ERCC5: variants seen among roughly 807,000 people sequenced by gnomAD.
ERCC5 encodes DNA excision repair protein ERCC-5.
In ERCC5, 68 loss-of-function variants were observed where a neutral mutation model predicts 105.6. The ratio of observed to expected loss-of-function variants is 0.64; its 90% confidence interval spans 0.53 to 0.79. The LOEUF is 0.79. Ranked by LOEUF, ERCC5 falls within the 30% of genes least tolerant of loss-of-function variation. The pLI, the probability that ERCC5 is intolerant of heterozygous loss-of-function variation, is 0.00. For missense variants in ERCC5, 1,373 were observed against 1,426.7 expected (o/e 0.96, Z 0.61); for synonymous variants, 546 against 526.2 (o/e 1.04, Z -0.51).
Position 102,859,853 on chromosome 13 carries a change from C to T in ERCC5, c.672+1435C>T, listed in dbSNP as rs185135855. Among the ~76,000 whole-genome samples, 341 of 152,296 alleles carry T rather than the reference C, an allele frequency of 2.2e-3. 1 individual carries two copies. Among genetic ancestry groups the T allele is most frequent in the Non-Finnish European group, 3.9e-3 (262 of 68,024 alleles). On this transcript the variant is annotated intron_variant, in intron 6 of 14. Coordinates refer to ENST00000652225, the MANE Select transcript of ERCC5 (RefSeq NM_000123.4). ...TAATACCATAGTTCCACTTTACTCA[C>T]GGTTTGCAGTTTTCAGTGACCTGTG...
At chr13:102,856,164 G>C in intron 5 of ERCC5, 52 bp downstream of exon 5, 1 of 1,554,400 alleles carries the variant, frequency 6.4e-7, no homozygotes, top group Non-Finnish European at 8.9e-7. Context: ...TGAAATGAAT[G>C]ACATGAAAAT....
chr13:102,875,631 T>C lies in ERCC5; in HGVS notation c.3289T>C (p.Ser1097Pro), dbSNP rs374747511. 27 of 1,614,074 alleles carry C rather than the reference T, an allele frequency of 1.7e-5. No individual in the cohort carries two copies. The highest frequency in any genetic ancestry group is 2.1e-5 in the Non-Finnish European group (25 of 1,179,962). Residue 1097 changes from serine to proline, a missense_variant, in exon 15 of 15, where the codon TCT becomes CCT. Coordinates refer to ENST00000652225, the MANE Select transcript of ERCC5 (RefSeq NM_000123.4). ...FLGETCLSES[S>P]DGSSSEDAES... ...GGGGGAGACCTGCCTCTCAGAATCATCTGATGGATCTTCAAGTGAAGATGC... is the reference window on the plus strand; with the variant it reads ...GGGGGAGACCTGCCTCTCAGAATCACCTGATGGATCTTCAAGTGAAGATGC...
At position 102,875,818 on chromosome 13, in the gene ERCC5, A is replaced by G; in HGVS notation, c.3476A>G (p.Lys1159Arg). The G allele has an allele frequency of 8.1e-6, 13 of 1,613,850 alleles. No individual in the cohort carries two copies. Among genetic ancestry groups the G allele is most frequent in the African/African-American group, 1.3e-5 (1 of 75,020 alleles). ...AGTGATGACGATGGAGGGAAAGAGA[A>G]GATGGTCCTCGTGACCGCCAGATCT... The part of the protein sequence containing the change: ...SDSDDDGGKE[K>R]MVLVTARSVF... The change falls in exon 15 of 15, where the codon AAG becomes AGG. Residue 1159 changes from lysine (K) to arginine (R), a missense_variant. Physicochemically the swap from Lys to Arg is conservative, Grantham distance 26 (BLOSUM62 2). Around this residue, in one of 3 missense-constraint regions of ERCC5, gnomAD observed 367 missense variants for 350.2 expected, o/e 1.05. Transcript: ENST00000652225.
chr13:102,872,095 G>A lies in ERCC5; in HGVS notation c.2679-103G>A, dbSNP rs1214493436. On this transcript the variant is annotated intron_variant, in intron 12 of 14. Coordinates refer to ENST00000652225, the MANE Select transcript of ERCC5 (RefSeq NM_000123.4). Reference sequence around the variant, plus strand: ...ATATTCTATATAGCATACAATTTGAGTTAGAACTTGAGTTTACATGTTCTA... The same window carrying A: ...ATATTCTATATAGCATACAATTTGAATTAGAACTTGAGTTTACATGTTCTA... 5.2e-6 allele frequency: 7 copies of A among 1,336,662 alleles called. No homozygotes were observed. In the Admixed American group the frequency reaches 1.4e-4, roughly 27 times the overall value. The allele number at this position is 1,336,662 out of a possible 1,614,324, so 82.8% of individuals were successfully genotyped here.
At chr13:102,870,184 G>A (rs1882986310) in intron 12 of ERCC5, among the ~76,000 whole-genome samples, 1 of 152,200 alleles carries the variant, frequency 6.6e-6, no homozygotes, top group South Asian at 2.1e-4. Context: ...GAATTGAGCT[G>A]TAGTCACATT....
chr13:102,852,101 A>T lies in ERCC5; in HGVS notation c.89-17A>T. On this transcript the variant is annotated splice_polypyrimidine_tract_variant and intron_variant, in intron 1 of 14. Transcript: ENST00000652225. ...AGAGAAAAATCCCGGAGTTTTTTCC[A>T]TTAACAATTCTCCCAGATATTAGCA... The T allele has an allele frequency of 1.2e-6, 2 of 1,613,832 alleles. No individual in the cohort carries two copies. The highest frequency in any genetic ancestry group is 2.2e-5 in the South Asian group (2 of 90,990).
rs1430769122 is a variant in ERCC5, at chr13:102,862,654, C to A, written c.1505C>A (p.Pro502His). 2 of 1,614,002 alleles carry A rather than the reference C, an allele frequency of 1.2e-6. No homozygotes were observed. The highest frequency in any genetic ancestry group is 1.7e-6 in the Non-Finnish European group (2 of 1,180,026). Residue 502 changes from proline to histidine, a missense_variant, in exon 8 of 15, where the codon CCT becomes CAT. Pro to His is a moderately conservative substitution (Grantham distance 77). Coordinates refer to ENST00000652225, the MANE Select transcript of ERCC5 (RefSeq NM_000123.4). Reference protein sequence around the residue: ...SMIKDRKDRLPLESAVVRHSD... With the variant: ...SMIKDRKDRLHLESAVVRHSD... ...ATTAAGGACAGAAAAGATCGGCTGCCTCTGGAGAGTGCAGTGGTTAGACAT... is the reference window on the plus strand; with the variant it reads ...ATTAAGGACAGAAAAGATCGGCTGCATCTGGAGAGTGCAGTGGTTAGACAT...
In ERCC5 at chr13:102,862,885, G is replaced by A; in HGVS notation, c.1736G>A (p.Gly579Asp). 6.2e-7 allele frequency: 1 copy of A among 1,614,172 alleles called. No individual in the cohort carries two copies. The highest frequency in any genetic ancestry group is 1.1e-5 in the South Asian group (1 of 91,078). Residue 579 changes from glycine to aspartate, a missense_variant, in exon 8 of 15, where the codon GGC becomes GAC. By Grantham distance (94) the Gly-to-Asp change is moderately conservative. Transcript: ENST00000652225. ...CKPNSASEVI[G>D]PVSLQETSSI... Reference sequence around the variant, plus strand: ...CCGAATTCTGCTTCTGAAGTCATTGGCCCTGTCAGTTTGCAAGAAACAAGT... The same window carrying A: ...CCGAATTCTGCTTCTGAAGTCATTGACCCTGTCAGTTTGCAAGAAACAAGT...
At chr13:102,850,141 G>GT (rs994212904) in intron 1 of ERCC5, among the ~76,000 whole-genome samples, 4 of 152,142 alleles carry the variant, frequency 2.6e-5, no homozygotes, top group African/African-American at 9.7e-5. Flanking sequence ...GGCCAGGATG[G>GT]TCTCGATCTC....
rs1222077594 is a variant in ERCC5, at chr13:102,862,301, A to G, written c.1152A>G (p.Ser384=). The part of the protein sequence containing the change: ...APAAVDEGSI[S]PRTLSAIKRA... ...CTGCTGTAGACGAAGGCTCCATATCACCCCGGACTCTTTCAGCCATTAAGA... is the reference window on the plus strand; with the variant it reads ...CTGCTGTAGACGAAGGCTCCATATCGCCCCGGACTCTTTCAGCCATTAAGA... The change falls in exon 8 of 15, where the codon TCA becomes TCG. Residue 384 remains serine (S), a synonymous_variant. Transcript: ENST00000652225. 6.2e-7 allele frequency: 1 copy of G among 1,614,032 alleles called. No individual in the cohort carries two copies. Among genetic ancestry groups the G allele is most frequent in the Admixed American group, 1.7e-5 (1 of 60,000 alleles).
intron 11 of ERCC5, among the ~76,000 whole-genome samples, 174 bp downstream of exon 11, chr13:102,867,019 A>G (rs1373339591): frequency 1.3e-5 from 2 of 152,150 alleles, no homozygotes; most frequent in African/African-American, 4.8e-5. Context: ...TAAACATTTG[A>G]ATTAAGGAAT....
In ERCC5 at chr13:102,872,310, G is replaced by A; in HGVS notation, c.2791G>A (p.Ala931Thr). The A allele has an allele frequency of 6.2e-7, 1 of 1,614,150 alleles. No individual in the cohort carries two copies. Among genetic ancestry groups the A allele is most frequent in the Non-Finnish European group, 8.5e-7 (1 of 1,180,028 alleles). Residue 931 changes from alanine (A) to threonine (T), a missense_variant, in exon 13 of 15, where the codon GCT becomes ACT. This residue lies in a region of ERCC5 where 367 missense variants were observed against 350.2 expected (regional missense o/e 1.05). Transcript: ENST00000652225. ...ACTCACCCCTGGCTTTCCTAACCCA[G>A]CTGTTGCCGAGGCCTACCTCAAACC... is the stretch of plus-strand genomic sequence containing the variant. ...LQLTPGFPNP[A>T]VAEAYLKPVV...
chr13:102,848,520 T>A (rs950407139), intron 1 of ERCC5, among the ~76,000 whole-genome samples: 7 of 152,234 alleles, frequency 4.6e-5, no homozygotes, highest in African/African-American at 1.7e-4. Flanking sequence ...AGCAAGATAT[T>A]ACCATCTCTT....
chr13:102,848,071 ATTGC>A (rs2140513348), intron 1 of ERCC5, among the ~76,000 whole-genome samples: 1 of 152,278 alleles, frequency 6.6e-6, no homozygotes, highest in African/African-American at 2.4e-5. Context: ...AGGCAGGAAG[ATTGC>A]TTGGGCCCAG....
intron 6 of ERCC5, chr13:102,858,870 C>G (rs1882523709): frequency 2.2e-6 from 1 of 455,850 alleles, no homozygotes; most frequent in African/African-American, 2.0e-5. Context: ...CATATAGAAT[C>G]TAATCACAAT....
intron 5 of ERCC5, among the ~76,000 whole-genome samples, chr13:102,857,849 G>T (rs768267765): frequency 1.7e-4 from 26 of 152,086 alleles, no homozygotes; most frequent in Non-Finnish European, 3.2e-4. Flanking sequence ...CTATCAAATA[G>T]ATCTTTTTTT....
chr13:102,868,266 TTTTA>T lies in ERCC5; in HGVS notation c.2678+13_2678+16del. ...CCTCTCCTAAAATTCTCGTAAGGTC[TTTTA>T]TTTCTTTAATTTGGATAATTGTGTA... On this transcript the variant is annotated intron_variant, in intron 12 of 14. Coordinates refer to ENST00000652225, the MANE Select transcript of ERCC5 (RefSeq NM_000123.4). 6.2e-7 allele frequency: 1 copy of T among 1,614,174 alleles called. No individual in the cohort carries two copies. The highest frequency in any genetic ancestry group is 8.5e-7 in the Non-Finnish European group (1 of 1,180,008).
At chr13:102,851,982 A>G in intron 1 of ERCC5, 136 bp from the exon 2 acceptor site, 1 of 1,033,292 alleles carries the variant, frequency 9.7e-7, no homozygotes, top group Non-Finnish European at 1.4e-6. Flanking sequence ...CATGAGAGCT[A>G]AATGTTTTTC....
Position 102,866,796 on chromosome 13 carries a change from A to G in ERCC5, c.2484A>G (p.Lys828=). 1 of 1,614,054 alleles carries G rather than the reference A, an allele frequency of 6.2e-7. No homozygotes were observed. The highest frequency in any genetic ancestry group is 1.3e-5 in the African/African-American group (1 of 75,064). ...ARHVYRNFFN[K]NKFVEYYQYV... ...ATGTCTATAGAAACTTTTTTAATAA[A>G]AACAAGTTTGTAGAATATTATCAAT... Residue 828 remains lysine, a synonymous_variant, in exon 11 of 15, where the codon AAA becomes AAG. Coordinates refer to ENST00000652225, the MANE Select transcript of ERCC5 (RefSeq NM_000123.4).
Sources: allele counts gnomAD v4.1 joint callset (sites outside exome capture counted in the v4.1 genomes callset), GRCh38; gene constraint gnomAD v4.1.1; regional missense constraint gnomAD v4.1.1; transcripts MANE v1.5; gene names NCBI Gene and HGNC (gene_info 2026-07-23, HGNC 2026-07-21).